RIN3: variants seen among roughly 807,000 people sequenced by gnomAD.
RIN3 encodes the protein RAB5 interacting protein 3.
RIN3 carries 54 observed loss-of-function variants against 76.3 expected under a neutral mutation model. That is an observed-to-expected ratio of 0.71 (90% CI 0.57 to 0.89). The LOEUF is 0.89. Among genes scored for constraint, RIN3 ranks in the 40% least tolerant of loss-of-function variants. RIN3 has a pLI of 0.00. For synonymous variants in RIN3, 576 were observed against 564.0 expected, an observed-to-expected ratio of 1.02 and a Z score of -0.30; for missense variants, 1,256 against 1,322.1, an observed-to-expected ratio of 0.95 and a Z score of 0.78.
intron 3 of RIN3, 105 bp from the exon 4 acceptor site, chr14:92,615,302 T>C: frequency 1.1e-6 from 1 of 886,950 alleles, no homozygotes. Context: ...GGACCCAGAA[T>C]GTGTGCAGCA....
chr14:92,524,581 G>A (rs1238793146), intron 1 of RIN3, among the ~76,000 whole-genome samples: 1 of 152,212 alleles, frequency 6.6e-6, no homozygotes, highest in African/African-American at 2.4e-5. Context: ...TTAGCTGGGT[G>A]GGCTGTCTGG....
intron 1 of RIN3, among the ~76,000 whole-genome samples, chr14:92,539,880 C>T (rs1897093360): frequency 6.6e-6 from 1 of 152,190 alleles, no homozygotes; most frequent in South Asian, 2.1e-4. Flanking sequence ...CCTTCAACCA[C>T]AGTGGCTGAG....
intron 3 of RIN3, among the ~76,000 whole-genome samples, chr14:92,612,517 C>T (rs1419944223): frequency 6.6e-6 from 1 of 152,154 alleles, no homozygotes; most frequent in Non-Finnish European, 1.5e-5. Context: ...TGGCCTTTAC[C>T]CCTCTAGGGT....
At position 92,634,845 on chromosome 14, in the gene RIN3, G is replaced by A. The variant is rs151182156; in HGVS notation, c.441-6393G>A. Among the ~76,000 whole-genome samples the A allele has an allele frequency of 3.7e-3, 516 of 140,542 alleles. 3 individuals are homozygous for A. The highest frequency in any genetic ancestry group is 0.013 in the African/African-American group (491 of 36,500). 92.2% of individuals were successfully genotyped at this position (140,542 alleles called of 152,430 possible). A position where few individuals can be genotyped will look rare whatever the true frequency, so the allele number is the denominator to read the frequency against. On this transcript the variant is annotated intron_variant, in intron 4 of 9. Transcript: ENST00000216487. Reference sequence around the variant, plus strand: ...TGCACTCCAGCCTGGGTGCCAGAACGAGACTCTATCTAAAAAAAAAAAAAA... The same window carrying A: ...TGCACTCCAGCCTGGGTGCCAGAACAAGACTCTATCTAAAAAAAAAAAAAA...
chr14:92,687,615 A>AC, intron 9 of RIN3: 2 of 339,628 alleles, frequency 5.9e-6, no homozygotes, highest in East Asian at 6.8e-5. Flanking sequence ...GAGGGAGGGA[A>AC]TGAATGAATG....
At chr14:92,644,291 C>T (rs2140134194) in intron 5 of RIN3, 1 of 152,350 alleles carries the variant, frequency 6.6e-6, no homozygotes, top group Non-Finnish European at 1.5e-5. Context: ...CACATTGCTG[C>T]ACCTCTTGAC....
Position 92,568,813 on chromosome 14 carries a change from A to G in RIN3, c.250-8547A>G, listed in dbSNP as rs558619622. Among the ~76,000 whole-genome samples, 4 of 152,334 alleles carry G rather than the reference A, an allele frequency of 2.6e-5. No individual in the cohort carries two copies. In the East Asian group the frequency reaches 5.8e-4, roughly 22 times the overall value. ...ATGAGAGCCCTGTGGCCATGCTGAA[A>G]GGGTGGGTGATGGGTTCGGAGCTGG... is the stretch of plus-strand genomic sequence containing the variant. On this transcript the variant is annotated intron_variant, in intron 2 of 9. Transcript: ENST00000216487. This position sits in a 1 kb window ranked among gnomAD's most constrained non-coding sequence, Gnocchi z 4.2.
In RIN3 at chr14:92,572,027, A is replaced by G. The variant is rs181811409; in HGVS notation, c.250-5333A>G. ...AGCAGGAGTGAAAGTTTATTAATAA[A>G]GCTTTACAGCAGGAACAAAAGGAAG... On this transcript the variant is annotated intron_variant, in intron 2 of 9. Transcript: ENST00000216487. 3.9e-5 allele frequency among the ~76,000 whole-genome samples: 6 copies of G among 152,352 alleles called. No individual in the cohort carries two copies. In the East Asian group the frequency reaches 1.2e-3, roughly 29 times the overall value.
At chr14:92,679,904 T>C (rs544372930) in intron 8 of RIN3, among the ~76,000 whole-genome samples, 3 of 152,362 alleles carry the variant, frequency 2.0e-5, no homozygotes, top group African/African-American at 7.2e-5. Context: ...CTAACCTCTC[T>C]GGCTTGCAGA....
intron 2 of RIN3, among the ~76,000 whole-genome samples, chr14:92,569,730 AG>A (rs1319500388): frequency 6.6e-6 from 1 of 152,138 alleles, no homozygotes; most frequent in African/African-American, 2.4e-5. Context: ...GCCTAGTTGA[AG>A]CCAGCAACCA....
rs1885928585 is a variant in RIN3, at chr14:92,615,610, G to C, written c.440+131G>C. 5 of 762,142 alleles carry C rather than the reference G, an allele frequency of 6.6e-6. No individual in the cohort carries two copies. The South Asian group carries it at 7.4e-5, about 11-fold the overall frequency. 47.2% of individuals were successfully genotyped at this position (762,142 alleles called of 1,614,324 possible). ...GTGGCCCAGAGGATGCAGAGAGAGG[G>C]CACAGGCCCCTCTGGGAACCACAGA... On this transcript the variant is annotated intron_variant, in intron 4 of 9. Transcript: ENST00000216487.
At position 92,685,505 on chromosome 14, in the gene RIN3, G is replaced by T; in HGVS notation, c.2631+355G>T. ...GTCATCCCAGTCCCTGCTTTAAGGA[G>T]CCCACAGGCTCATCTACAGCCTTGC... On this transcript the variant is annotated intron_variant, in intron 9 of 9. Transcript: ENST00000216487. This position sits in a 1 kb window ranked among gnomAD's most constrained non-coding sequence, Gnocchi z 4.7. 1 of 235,716 alleles carries T rather than the reference G, an allele frequency of 4.2e-6. No individual in the cohort carries two copies. The highest frequency in any genetic ancestry group is 2.2e-5 in the African/African-American group (1 of 45,660). 14.6% of individuals were successfully genotyped at this position (235,716 alleles called of 1,614,324 possible). A position where few individuals can be genotyped will look rare whatever the true frequency, so the allele number is the denominator to read the frequency against.
chr14:92,683,999 C>T (rs1403990946), intron 8 of RIN3, among the ~76,000 whole-genome samples: 3 of 152,144 alleles, frequency 2.0e-5, no homozygotes, highest in African/African-American at 7.2e-5. Flanking sequence ...ACATCATAGC[C>T]TAGTCTACCT....
chr14:92,652,024 T>C lies in RIN3; in HGVS notation c.975T>C (p.His325=), dbSNP rs770038852. 1.5e-4 allele frequency: 159 copies of C among 1,070,852 alleles called. No individual in the cohort carries two copies. Among genetic ancestry groups the C allele is most frequent in the Non-Finnish European group, 2.0e-4 (154 of 787,016 alleles). 66.3% of individuals were successfully genotyped at this position (1,070,852 alleles called of 1,614,324 possible). A position where few individuals can be genotyped will look rare whatever the true frequency, so the allele number is the denominator to read the frequency against. Reference sequence around the variant, plus strand: ...TGCCTGCCCCCCACGTCACACCCCATGCCCCAGGTCCCCCAGACCATCCGA... The same window carrying C: ...TGCCTGCCCCCCACGTCACACCCCACGCCCCAGGTCCCCCAGACCATCCGA... ...PPVPAPHVTP[H]APGPPDHPNQ... Residue 325 remains histidine, a synonymous_variant, in exon 6 of 10, where the codon CAT becomes CAC. Transcript: ENST00000216487. This position sits in a 1 kb window ranked among gnomAD's most constrained non-coding sequence, Gnocchi z 6.4.
At chr14:92,572,502 TAGAG>T (rs375585616) in intron 2 of RIN3, among the ~76,000 whole-genome samples, 108 of 152,278 alleles carry the variant, frequency 7.1e-4, no homozygotes, top group African/African-American at 2.2e-3. Flanking sequence ...AACCAATTAT[TAGAG>T]AGACAGTTAA....
intron 4 of RIN3, among the ~76,000 whole-genome samples, chr14:92,617,996 C>T (rs920967413): frequency 1.3e-5 from 2 of 152,158 alleles, no homozygotes; most frequent in South Asian, 4.1e-4. Flanking sequence ...GTGAAGGCCT[C>T]CTGGCAATGA....
At chr14:92,605,286 C>G (rs1885488301) in intron 3 of RIN3, among the ~76,000 whole-genome samples, 1 of 152,168 alleles carries the variant, frequency 6.6e-6, no homozygotes, top group Non-Finnish European at 1.5e-5. Context: ...TGAAAAATGC[C>G]CTAGTCAAAG....
chr14:92,552,623 T>C (rs1312811247), intron 1 of RIN3, among the ~76,000 whole-genome samples: 7 of 152,102 alleles, frequency 4.6e-5, no homozygotes, highest in Non-Finnish European at 1.0e-4. Context: ...ATTGCAGGCT[T>C]GGGAGTTTGC....
chr14:92,620,393 A>G (rs1886131106), intron 4 of RIN3, among the ~76,000 whole-genome samples: 1 of 152,236 alleles, frequency 6.6e-6, no homozygotes. Context: ...TATTTACAAG[A>G]GTATACGCAG....
Sources: allele counts gnomAD v4.1 joint callset (sites outside exome capture counted in the v4.1 genomes callset), GRCh38; gene constraint gnomAD v4.1.1; non-coding constraint Gnocchi (gnomAD v3.1); transcripts MANE v1.5; gene names NCBI Gene and HGNC (gene_info 2026-07-23, HGNC 2026-07-21).